Variants in ASH1L observed in about 807,000 individuals in gnomAD.
ASH1L encodes the protein histone-lysine N-methyltransferase ASH1L.
ASH1L carries 23 observed loss-of-function variants against 269.0 expected under a neutral mutation model. The ratio of observed to expected loss-of-function variants is 0.09; its 90% CI spans 0.06 to 0.12. The LOEUF is 0.12. Ranked by LOEUF, ASH1L falls within the 10% of genes least tolerant of loss-of-function variation. ASH1L has a pLI of 1.00. For missense variants in ASH1L, 2,912 were observed against 3,567.8 expected, an observed-to-expected ratio of 0.82 and a Z score of 4.68; for synonymous variants, 1,187 against 1,253.5, an observed-to-expected ratio of 0.95 and a Z score of 1.12.
At chr1:155,401,088 G>A (rs1483892611) in intron 6 of ASH1L, among the ~76,000 whole-genome samples, 2 of 152,106 alleles carry the variant, frequency 1.3e-5, no homozygotes, top group African/African-American at 4.8e-5. Context: ...TTGAACCAGG[G>A]AGGTGGAGGT....
At chr1:155,506,190 A>G (rs1001567844) in intron 2 of ASH1L, among the ~76,000 whole-genome samples, 2 of 152,234 alleles carry the variant, frequency 1.3e-5, no homozygotes, top group African/African-American at 4.8e-5. Flanking sequence ...ATGGCTGCAT[A>G]GTATTCCTTG....
At chr1:155,376,664 C>A (rs1229711018) in intron 10 of ASH1L, among the ~76,000 whole-genome samples, 5 of 149,866 alleles carry the variant, frequency 3.3e-5, no homozygotes, top group Admixed American at 3.3e-4. Context: ...GGCGACAGAG[C>A]GCGACTCTGT....
At chr1:155,444,664 G>A (rs1395788127) in intron 4 of ASH1L, among the ~76,000 whole-genome samples, 1 of 151,838 alleles carries the variant, frequency 6.6e-6, no homozygotes, top group Non-Finnish European at 1.5e-5. Context: ...CACCCAGGCC[G>A]GAGTACAGTG....
At chr1:155,388,405 C>T (rs559383058) in intron 7 of ASH1L, among the ~76,000 whole-genome samples, 1 of 152,184 alleles carries the variant, frequency 6.6e-6, no homozygotes, top group South Asian at 2.1e-4. Context: ...GATCCTCCTG[C>T]CTCAGGCTCC....
At chr1:155,426,619 A>G (rs182231035) in intron 5 of ASH1L, among the ~76,000 whole-genome samples, 1 of 152,208 alleles carries the variant, frequency 6.6e-6, no homozygotes, top group Non-Finnish European at 1.5e-5. Context: ...TTAACTTTTT[A>G]TAATAGATTT....
At chr1:155,555,013 TA>T (rs1671487558) in intron 1 of ASH1L, among the ~76,000 whole-genome samples, 1 of 149,682 alleles carries the variant, frequency 6.7e-6, no homozygotes, top group Admixed American at 6.7e-5. Context: ...CATGGTGGCA[TA>T]CACCAGTAGT....
chr1:155,548,387 T>G (rs542505581), intron 1 of ASH1L, among the ~76,000 whole-genome samples: 2 of 152,070 alleles, frequency 1.3e-5, no homozygotes, highest in South Asian at 2.1e-4. Flanking sequence ...CCGGGCGTGT[T>G]TGGCACATGC....
intron 15 of ASH1L, among the ~76,000 whole-genome samples, 198 bp downstream of exon 15, chr1:155,357,118 C>CACACAA (rs1435129953): frequency 1.5e-5 from 1 of 65,380 alleles, no homozygotes; most frequent in Non-Finnish European, 2.6e-5. Flanking sequence ...CACACACACA[C>CACACAA]AAAAGGGTAA....
At chr1:155,505,047 A>G (rs1331723551) in intron 2 of ASH1L, among the ~76,000 whole-genome samples, 1 of 152,184 alleles carries the variant, frequency 6.6e-6, no homozygotes, top group Non-Finnish European at 1.5e-5. Flanking sequence ...CAAAAAACCA[A>G]AGAAAAATCC....
intron 5 of ASH1L, among the ~76,000 whole-genome samples, chr1:155,430,685 CT>C (rs1195043881): frequency 3.9e-5 from 6 of 152,140 alleles, no homozygotes; most frequent in African/African-American, 1.4e-4. Flanking sequence ...TTAAAAGTGA[CT>C]CTTACTGTTA....
intron 1 of ASH1L, among the ~76,000 whole-genome samples, chr1:155,557,827 A>G (rs1227535284): frequency 6.6e-6 from 1 of 152,222 alleles, no homozygotes. Flanking sequence ...AACAAAAATG[A>G]ACTAGTTGCA....
intron 4 of ASH1L, among the ~76,000 whole-genome samples, chr1:155,456,837 A>G (rs1429789955): frequency 6.6e-6 from 1 of 152,198 alleles, no homozygotes; most frequent in South Asian, 2.1e-4. Flanking sequence ...TAACATACAC[A>G]TATGATAGAC....
Position 155,488,903 on chromosome 1 carries a change from T to A in ASH1L, c.421-6454A>T, listed in dbSNP as rs115525665. 1.0e-2 allele frequency among the ~76,000 whole-genome samples: 1,516 copies of A among 151,846 alleles called. 33 individuals carry two copies. Among genetic ancestry groups the A allele is most frequent in the African/African-American group, 0.035 (1,463 of 41,404 alleles). On this transcript the variant is annotated intron_variant, in intron 2 of 27. Coordinates refer to ENST00000392403, the MANE Select transcript of ASH1L (RefSeq NM_018489.3). Reference sequence around the variant, plus strand: ...AGTCCACATATAAAATACTCTCATTTAAAAAAAAGAACCAAAGTATAAATA... The same window carrying A: ...AGTCCACATATAAAATACTCTCATTAAAAAAAAAGAACCAAAGTATAAATA...
At chr1:155,528,452 G>A (rs575320238) in intron 1 of ASH1L, among the ~76,000 whole-genome samples, 1 of 150,520 alleles carries the variant, frequency 6.6e-6, no homozygotes, top group African/African-American at 2.4e-5. Context: ...TTTTTTTAAA[G>A]AAAGAGGTTT....
rs111331465 is a variant in ASH1L, at chr1:155,490,931, G to A, written c.421-8482C>T. Among the ~76,000 whole-genome samples the A allele has an allele frequency of 8.3e-3, 999 of 120,664 alleles. 10 individuals are homozygous for A. The highest frequency in any genetic ancestry group is 0.03 in the African/African-American group (949 of 31,534). 79.2% of individuals were successfully genotyped at this position (120,664 alleles called of 152,430 possible). A position where few individuals can be genotyped will look rare whatever the true frequency, so the allele number is the denominator to read the frequency against. ...AGCCATGAGCCATGATCACACCACT[G>A]CACTCTAACCTGGGAGACAGGGTGA... On this transcript the variant is annotated intron_variant, in intron 2 of 27. Coordinates refer to ENST00000392403, the MANE Select transcript of ASH1L (RefSeq NM_018489.3).
chr1:155,392,959 A>G (rs992356307), intron 7 of ASH1L, among the ~76,000 whole-genome samples: 6 of 151,778 alleles, frequency 4.0e-5, no homozygotes. Context: ...AAGTGCTGGG[A>G]TTACAAGTGT....
At chr1:155,555,919 A>C (rs1342727660) in intron 1 of ASH1L, among the ~76,000 whole-genome samples, 1 of 101,404 alleles carries the variant, frequency 9.9e-6, no homozygotes, top group African/African-American at 2.6e-5. Context: ...TTATACAATA[A>C]CTGGAAGATC....
At chr1:155,357,132 TTAAAAAAAAAAAAAAAAA>T (rs1278597292) in intron 15 of ASH1L, among the ~76,000 whole-genome samples, 166 bp downstream of exon 15, 1 of 6,630 alleles carries the variant, frequency 1.5e-4, no homozygotes, top group Non-Finnish European at 5.0e-4. Flanking sequence ...AGGGTAAGAC[TTAAAAAAAAAAAAAAAAA>T]AAAAAAAAAG....
chr1:155,489,973 CT>C (rs563706417), intron 2 of ASH1L, among the ~76,000 whole-genome samples: 1,613 of 144,194 alleles, frequency 0.011, 25 homozygotes, highest in African/African-American at 0.033. Context: ...ACATGTAAGA[CT>C]TTTTTTTTTT....
Sources: gnomAD v4.1 joint callset for allele counts (sites outside exome capture counted in the v4.1 genomes callset) on GRCh38, gnomAD v4.1.1 for gene constraint, MANE v1.5 for transcripts, NCBI Gene and HGNC (gene_info 2026-07-23, HGNC 2026-07-21) for gene names.